The following MACROD2 variants were observed in gnomAD, a reference collection of about 807,000 sequenced individuals.
The protein encoded by MACROD2 is mono-ADP ribosylhydrolase 2, also known as ADP-ribose glycohydrolase MACROD2.
MACROD2 carries 36 observed loss-of-function variants against 70.4 expected under a neutral mutation model. The ratio of observed to expected loss-of-function variants is 0.51; its 90% confidence interval spans 0.39 to 0.68. MACROD2 has a LOEUF of 0.68. Ranked by LOEUF, MACROD2 falls within the 30% of genes least tolerant of loss-of-function variation. The probability of loss-of-function intolerance (pLI) is 0.00; values close to 1 mark genes in which losing one functional copy is unlikely to be tolerated. For synonymous variants in MACROD2, 172 were observed against 178.8 expected, an observed-to-expected ratio of 0.96 and a Z score of 0.30; for missense variants, 496 against 538.4, an observed-to-expected ratio of 0.92 and a Z score of 0.78.
At chr20:15,737,639 G>A (rs1368357173) in intron 8 of MACROD2, among the ~76,000 whole-genome samples, 1 of 152,198 alleles carries the variant, frequency 6.6e-6, no homozygotes, top group East Asian at 1.9e-4. Context: ...GCATTGCTAT[G>A]AATATAGTTC....
At chr20:14,901,975 A>G (rs6042986) in intron 5 of MACROD2, among the ~76,000 whole-genome samples, 133,429 of 152,146 alleles carry the variant, frequency 0.88, 58,526 homozygotes, top group East Asian at 1. Flanking sequence ...CAAAATTGGT[A>G]TAAAATTTAT....
intron 5 of MACROD2, among the ~76,000 whole-genome samples, chr20:14,729,708 C>T (rs1259824588): frequency 1.3e-5 from 2 of 151,836 alleles, no homozygotes; most frequent in African/African-American, 4.8e-5. Flanking sequence ...AATGAGAGTC[C>T]TTGTTAAAGG....
chr20:14,798,436 A>C (rs1158483848), intron 5 of MACROD2, among the ~76,000 whole-genome samples: 1 of 152,060 alleles, frequency 6.6e-6, no homozygotes, highest in Non-Finnish European at 1.5e-5. Flanking sequence ...TTTGTAGCTG[A>C]AGTCTCTGCC....
chr20:15,486,528 G>A (rs1454597102), intron 7 of MACROD2, among the ~76,000 whole-genome samples: 1 of 152,174 alleles, frequency 6.6e-6, no homozygotes, highest in East Asian at 1.9e-4. Flanking sequence ...AGACATTGAG[G>A]AATAGAGACC....
chr20:14,892,712 A>C (rs952787687), intron 5 of MACROD2: 1 of 152,066 alleles, frequency 6.6e-6, no homozygotes, highest in Non-Finnish European at 1.5e-5. Flanking sequence ...GCTCCTGGTA[A>C]CCACAATTCT....
chr20:14,212,124 C>G (rs940982200), intron 3 of MACROD2, among the ~76,000 whole-genome samples: 2 of 152,046 alleles, frequency 1.3e-5, no homozygotes, highest in African/African-American at 4.8e-5. Context: ...GATTGTAGAT[C>G]TGTATTCTAA....
At chr20:14,834,707 T>C (rs1004297246) in intron 5 of MACROD2, among the ~76,000 whole-genome samples, 3 of 152,076 alleles carry the variant, frequency 2.0e-5, no homozygotes, top group Admixed American at 6.6e-5. Flanking sequence ...TTGAAATTAC[T>C]TTATTCTATT....
At chr20:16,031,883 G>A (rs1479558460) in intron 15 of MACROD2, among the ~76,000 whole-genome samples, 1 of 152,102 alleles carries the variant, frequency 6.6e-6, no homozygotes, top group Non-Finnish European at 1.5e-5. Flanking sequence ...AGGGTATGAA[G>A]TAGGGCAAGA....
At chr20:15,125,244 G>T (rs1358652537) in intron 5 of MACROD2, among the ~76,000 whole-genome samples, 1 of 151,930 alleles carries the variant, frequency 6.6e-6, no homozygotes, top group Non-Finnish European at 1.5e-5. Flanking sequence ...TTCCTTTGGG[G>T]CAAGTACCAA....
In MACROD2 at chr20:15,404,128, G is replaced by A. The variant is rs1276742102; in HGVS notation, c.541-27277G>A. Reference sequence around the variant, plus strand: ...TATAGTGCTTGAGAGTACATAGATGGGCTGTAGACAACTAATATGTCTGCA... The same window carrying A: ...TATAGTGCTTGAGAGTACATAGATGAGCTGTAGACAACTAATATGTCTGCA... On this transcript the variant is annotated intron_variant, in intron 6 of 17. Transcript: ENST00000684519. Among the ~76,000 whole-genome samples the A allele has an allele frequency of 3.9e-5, 6 of 152,110 alleles. No individual in the cohort carries two copies. The East Asian group carries it at 9.7e-4, about 25-fold the overall frequency.
intron 5 of MACROD2, among the ~76,000 whole-genome samples, chr20:14,996,987 T>C (rs902108958): frequency 6.6e-6 from 1 of 152,208 alleles, no homozygotes; most frequent in African/African-American, 2.4e-5. Flanking sequence ...CTACAATTCC[T>C]GGGCAAGCCC....
At chr20:15,776,536 A>G (rs1272619799) in intron 8 of MACROD2, among the ~76,000 whole-genome samples, 1 of 152,210 alleles carries the variant, frequency 6.6e-6, no homozygotes, top group Non-Finnish European at 1.5e-5. Context: ...ACGACACTCC[A>G]GACCACCCAA....
intron 3 of MACROD2, among the ~76,000 whole-genome samples, chr20:14,201,606 C>A (rs1169511168): frequency 6.6e-6 from 1 of 151,912 alleles, no homozygotes; most frequent in African/African-American, 2.4e-5. Flanking sequence ...CCTTGGGAGG[C>A]CGAGGTGGGT....
intron 5 of MACROD2, among the ~76,000 whole-genome samples, chr20:14,911,578 TA>T (rs763796530): frequency 6.6e-6 from 1 of 152,030 alleles, no homozygotes; most frequent in Non-Finnish European, 1.5e-5. Context: ...AAGGTCTCAC[TA>T]TGATGCCCAG....
Position 16,044,658 on chromosome 20 carries a change from T to C in MACROD2, c.1300+19T>C. 6.2e-7 allele frequency: 1 copy of C among 1,603,720 alleles called. No individual in the cohort carries two copies. On this transcript the variant is annotated intron_variant, in intron 17 of 17. Transcript: ENST00000684519. ...CTAATAGGTAAGATGCCCCTTGTGG[T>C]GAGATTTTCAATGATCAACCAGCCA...
At chr20:15,679,236 C>CAAA (rs35869757) in intron 8 of MACROD2, among the ~76,000 whole-genome samples, 1,283 of 109,298 alleles carry the variant, frequency 0.012, 11 homozygotes, top group Middle Eastern at 0.027. Flanking sequence ...GACTCCATCT[C>CAAA]AAAAAAAAAA....
intron 3 of MACROD2, among the ~76,000 whole-genome samples, chr20:14,332,980 T>C (rs377365964): frequency 5.3e-5 from 8 of 152,104 alleles, no homozygotes; most frequent in African/African-American, 1.4e-4. Flanking sequence ...GGTTAGTTGA[T>C]AGTGACAGCA....
intron 8 of MACROD2, among the ~76,000 whole-genome samples, chr20:15,849,139 A>G (rs2064268138): frequency 6.6e-6 from 1 of 152,156 alleles, no homozygotes; most frequent in Non-Finnish European, 1.5e-5. Flanking sequence ...TCACACATGC[A>G]CACACACACT....
In MACROD2 at chr20:14,771,819, T is replaced by G. The variant is rs188802371; in HGVS notation, c.418+86860T>G. Among the ~76,000 whole-genome samples the G allele has an allele frequency of 2.9e-3, 446 of 151,754 alleles. 3 individuals are homozygous for G. Among genetic ancestry groups the G allele is most frequent in the Non-Finnish European group, 4.1e-3 (277 of 67,880 alleles). On this transcript the variant is annotated intron_variant, in intron 5 of 17. Coordinates refer to ENST00000684519, the MANE Select transcript of MACROD2 (RefSeq NM_001351661.2). ...TATATATATGTATATGTATGTGTGT[T>G]TGTGTGTGTGTAGGATAAGTAATTC...
Sources: allele counts gnomAD v4.1 joint callset (sites outside exome capture counted in the v4.1 genomes callset), GRCh38; gene constraint gnomAD v4.1.1; transcripts MANE v1.5; gene names NCBI Gene and HGNC (gene_info 2026-07-23, HGNC 2026-07-21).